PPTC7: variants seen among roughly 807,000 people sequenced by gnomAD.
PPTC7 encodes the protein protein phosphatase PTC7 homolog.
Under a neutral mutation model 30.8 loss-of-function variants are expected in PPTC7, and 6 were observed. The observed-to-expected ratio is 0.19, with a 90% confidence interval of 0.11 to 0.38. The LOEUF (loss-of-function observed/expected upper bound fraction) is 0.38. Among genes scored for constraint, PPTC7 ranks in the 10% least tolerant of loss-of-function variants. The pLI is 1.00. For synonymous variants in PPTC7, 163 were observed against 168.1 expected (o/e 0.97, Z 0.23); for missense variants, 218 against 404.8 (o/e 0.54, Z 3.96).
intron 5 of PPTC7, 103 bp from the exon 6 acceptor site, chr12:110,537,198 C>A: frequency 3.2e-6 from 3 of 928,108 alleles, no homozygotes; most frequent in Non-Finnish European, 5.1e-6. Flanking sequence ...GCATTCCAGG[C>A]AGTTTTGGTT....
intron 2 of PPTC7, among the ~76,000 whole-genome samples, chr12:110,550,391 C>T (rs182340575): frequency 9.9e-5 from 15 of 152,028 alleles, no homozygotes; most frequent in Admixed American, 7.9e-4. Flanking sequence ...CCACCACACC[C>T]GGCTAATTTT....
At chr12:110,576,182 T>C (rs1474227347) in intron 1 of PPTC7, among the ~76,000 whole-genome samples, 1 of 152,108 alleles carries the variant, frequency 6.6e-6, no homozygotes, top group Non-Finnish European at 1.5e-5. Context: ...ACACAGCTCA[T>C]TATGAAATCA....
intron 1 of PPTC7, among the ~76,000 whole-genome samples, chr12:110,560,588 A>G (rs1461136263): frequency 3.3e-5 from 5 of 152,132 alleles, no homozygotes; most frequent in Non-Finnish European, 7.4e-5. Context: ...CATCAACATG[A>G]TGTTGCAATT....
At chr12:110,542,922 A>G (rs531401856) in intron 3 of PPTC7, among the ~76,000 whole-genome samples, 51 of 152,248 alleles carry the variant, frequency 3.3e-4, no homozygotes, top group African/African-American at 1.2e-3. Context: ...TTCAGAGATC[A>G]TGGCCTCCTG....
At chr12:110,566,740 G>C (rs990562520) in intron 1 of PPTC7, among the ~76,000 whole-genome samples, 2 of 152,108 alleles carry the variant, frequency 1.3e-5, no homozygotes, top group East Asian at 3.9e-4. Flanking sequence ...AAAAGACAAT[G>C]CCCACTCAGA....
chr12:110,537,217 T>C, intron 5 of PPTC7, 122 bp from the exon 6 acceptor site: 2 of 690,990 alleles, frequency 2.9e-6, no homozygotes, highest in Non-Finnish European at 5.0e-6. Flanking sequence ...TTTGTCAGTA[T>C]ACCCTAGTAG....
intron 1 of PPTC7, 139 bp from the exon 2 acceptor site, chr12:110,552,107 T>C: frequency 1.5e-6 from 1 of 669,850 alleles, no homozygotes; most frequent in Non-Finnish European, 2.5e-6. Flanking sequence ...TAAAAAGCAC[T>C]CACGTTTAAT....
chr12:110,572,230 G>C (rs1295014188), intron 1 of PPTC7, among the ~76,000 whole-genome samples: 2 of 152,128 alleles, frequency 1.3e-5, no homozygotes, highest in African/African-American at 4.8e-5. Context: ...TGGATCACGA[G>C]GTCAGGAGTT....
chr12:110,556,084 G>C (rs1265330243), intron 1 of PPTC7, among the ~76,000 whole-genome samples: 1 of 152,204 alleles, frequency 6.6e-6, no homozygotes, highest in African/African-American at 2.4e-5. Flanking sequence ...ATAACGTTTA[G>C]AGTTGATCCT....
chr12:110,554,853 A>G (rs2064374150), intron 1 of PPTC7, among the ~76,000 whole-genome samples: 1 of 152,250 alleles, frequency 6.6e-6, no homozygotes, highest in Non-Finnish European at 1.5e-5. Context: ...TGGTTGCTTT[A>G]GAAATAAGGA....
At chr12:110,564,629 G>C (rs1446835920) in intron 1 of PPTC7, among the ~76,000 whole-genome samples, 1 of 151,950 alleles carries the variant, frequency 6.6e-6, no homozygotes, top group Non-Finnish European at 1.5e-5. Flanking sequence ...CTCTGGGAGA[G>C]GTCTATAGTC....
At position 110,535,383 on chromosome 12, in the gene PPTC7, C is replaced by G. The variant is rs2064211325; in HGVS notation, c.*1654G>C. 1 of 152,542 alleles carries G rather than the reference C, an allele frequency of 6.6e-6. No homozygotes were observed. The highest frequency in any genetic ancestry group is 1.5e-5 in the Non-Finnish European group (1 of 68,032). 9.4% of individuals were successfully genotyped at this position (152,542 alleles called of 1,614,324 possible). ...CTCATTCTTATTATAAATGAAATGC[C>G]TGTTACAAGCATGATGCATTGAAAT... is the stretch of plus-strand genomic sequence containing the variant. On this transcript the variant is annotated 3_prime_UTR_variant, in exon 6 of 6. Transcript: ENST00000354300.
At position 110,539,884 on chromosome 12, in the gene PPTC7, T is replaced by C; in HGVS notation, c.664A>G (p.Thr222Ala). The change falls in exon 4 of 6, where the codon ACA becomes GCA. Residue 222 changes from threonine (T) to alanine (A), a missense_variant. Coordinates refer to ENST00000354300, the MANE Select transcript of PPTC7 (RefSeq NM_139283.2). ...VQLGDIILTATDGLFDNMPDY... is the reference protein window; with the variant it reads ...VQLGDIILTAADGLFDNMPDY... ...GGCATGTTGTCAAAGAGTCCATCTG[T>C]TGCCGTCAGGATAATGTCTCCTAGC... The C allele has an allele frequency of 6.2e-7, 1 of 1,614,100 alleles. No individual in the cohort carries two copies.
In PPTC7 at chr12:110,540,310, T is replaced by TC. The variant is rs1235977655; in HGVS notation, c.603-366dup. On this transcript the variant is annotated intron_variant, in intron 3 of 5. Transcript: ENST00000354300. ...CCTAATTCTTTACAGCCGAATTCCA[T>TC]CCCCCCCCGCCTTTTTTTTTTTTTT... is the stretch of plus-strand genomic sequence containing the variant. Among the ~76,000 whole-genome samples, 939 of 104,298 alleles carry TC rather than the reference T, an allele frequency of 9.0e-3. 21 individuals carry two copies. The highest frequency in any genetic ancestry group is 0.027 in the African/African-American group (705 of 26,300). The allele number at this position is 104,298 out of a possible 152,430, so 68.4% of individuals were successfully genotyped here.
intron 1 of PPTC7, among the ~76,000 whole-genome samples, chr12:110,555,328 G>A (rs2064377280): frequency 6.6e-6 from 1 of 152,140 alleles, no homozygotes; most frequent in Admixed American, 6.5e-5. Flanking sequence ...GCTAATTAAA[G>A]TAATAAAAAC....
At position 110,558,552 on chromosome 12, in the gene PPTC7, G is replaced by A. The variant is rs776244512; in HGVS notation, c.224-6584C>T. The stretch of plus-strand genomic sequence containing the variant: ...AAAATCACTATTAGATTAAGATAAT[G>A]GTTACATATCAGAAATAGCTGAGCA... On this transcript the variant is annotated intron_variant, in intron 1 of 5. Coordinates refer to ENST00000354300, the MANE Select transcript of PPTC7 (RefSeq NM_139283.2). Among the ~76,000 whole-genome samples, 11 of 152,244 alleles carry A rather than the reference G, an allele frequency of 7.2e-5. 1 individual carries two copies. Among genetic ancestry groups the A allele is most frequent in the Non-Finnish European group, 1.2e-4 (8 of 68,050 alleles).
At chr12:110,581,845 G>A (rs926984713) in intron 1 of PPTC7, among the ~76,000 whole-genome samples, 1 of 152,198 alleles carries the variant, frequency 6.6e-6, no homozygotes, top group African/African-American at 2.4e-5. Flanking sequence ...GGAAATCAAA[G>A]TGACATTTGA....
chr12:110,581,135 G>A (rs1185557486), intron 1 of PPTC7, among the ~76,000 whole-genome samples: 1 of 152,076 alleles, frequency 6.6e-6, no homozygotes, highest in Non-Finnish European at 1.5e-5. Context: ...GCAACACAGG[G>A]GCCAGGCTCA....
intron 3 of PPTC7, among the ~76,000 whole-genome samples, chr12:110,541,011 G>A (rs2064254982): frequency 6.6e-6 from 1 of 151,244 alleles, no homozygotes; most frequent in Non-Finnish European, 1.5e-5. Context: ...TCCTGACCTC[G>A]TGATCTGCCC....
Sources: gnomAD v4.1 joint callset for allele counts (sites outside exome capture counted in the v4.1 genomes callset) on GRCh38, gnomAD v4.1.1 for gene constraint, MANE v1.5 for transcripts, NCBI Gene and HGNC (gene_info 2026-07-23, HGNC 2026-07-21) for gene names.